ATP8B1: variants seen among roughly 807,000 people sequenced by gnomAD.
The protein encoded by ATP8B1 is phospholipid-transporting ATPase IC.
A neutral mutation model predicts 149.9 loss-of-function variants in ATP8B1; 80 were observed. The observed-to-expected ratio is 0.53, with a 90% CI of 0.45 to 0.64. The LOEUF is 0.64. ATP8B1 is among the 30% of genes least tolerant of loss of function. The probability of loss-of-function intolerance (pLI) is 0.00; values close to 1 mark genes in which losing one functional copy is unlikely to be tolerated. For synonymous variants in ATP8B1, 536 were observed against 562.8 expected, an observed-to-expected ratio of 0.95 and a Z score of 0.67; for missense variants, 1,247 against 1,552.6, an observed-to-expected ratio of 0.80 and a Z score of 3.31.
intron 17 of ATP8B1, among the ~76,000 whole-genome samples, chr18:57,670,683 C>T (rs1911171793): frequency 6.6e-6 from 1 of 151,788 alleles, no homozygotes; most frequent in African/African-American, 2.4e-5. Context: ...CAACATGAAC[C>T]AGTAAACATC....
At chr18:57,794,778 G>A (rs898521963) in intron 1 of ATP8B1, among the ~76,000 whole-genome samples, 1 of 144,712 alleles carries the variant, frequency 6.9e-6, no homozygotes, top group Non-Finnish European at 1.5e-5. Context: ...GCGACAGAGC[G>A]AAACTCCGCC....
intron 22 of ATP8B1, among the ~76,000 whole-genome samples, chr18:57,656,182 T>G (rs1445078601): frequency 6.6e-6 from 1 of 152,080 alleles, no homozygotes; most frequent in Non-Finnish European, 1.5e-5. Flanking sequence ...CCAGAGCTTT[T>G]GAAAGTACCT....
intron 1 of ATP8B1, among the ~76,000 whole-genome samples, chr18:57,782,865 G>A (rs1303191391): frequency 8.2e-6 from 1 of 121,504 alleles, no homozygotes; most frequent in African/African-American, 3.3e-5. Context: ...CTAGGCTAAA[G>A]TGCAATGGTG....
At chr18:57,736,680 T>C (rs553321669) in intron 1 of ATP8B1, among the ~76,000 whole-genome samples, 4 of 149,228 alleles carry the variant, frequency 2.7e-5, no homozygotes, top group Non-Finnish European at 5.9e-5. Context: ...AAACTGGTCT[T>C]GAATTCCTGG....
At chr18:57,661,024 C>G in intron 22 of ATP8B1, 150 bp downstream of exon 22, 2 of 1,067,378 alleles carry the variant, frequency 1.9e-6, no homozygotes, top group Non-Finnish European at 2.7e-6. Context: ...GGGTCACAGG[C>G]GTTGTCATGG....
In ATP8B1 at chr18:57,646,981, T is replaced by C. The variant is rs1909217425; in HGVS notation, c.*1507A>G. ...GAGTTTCCATAATTACCTAAAGTTATCTTCAAATTTAAAAGGACACACCAT... is the reference window on the plus strand; with the variant it reads ...GAGTTTCCATAATTACCTAAAGTTACCTTCAAATTTAAAAGGACACACCAT... On this transcript the variant is annotated 3_prime_UTR_variant, in exon 28 of 28. Coordinates refer to ENST00000648908, the MANE Select transcript of ATP8B1 (RefSeq NM_001374385.1). 1 of 152,212 alleles carries C rather than the reference T, an allele frequency of 6.6e-6. No homozygotes were observed. The highest frequency in any genetic ancestry group is 6.5e-5 in the Admixed American group (1 of 15,276). 9.4% of individuals were successfully genotyped at this position (152,212 alleles called of 1,614,324 possible).
At chr18:57,735,267 G>A (rs1051126791) in intron 1 of ATP8B1, 13 of 161,048 alleles carry the variant, frequency 8.1e-5, no homozygotes, top group African/African-American at 2.6e-4. Flanking sequence ...CAGGGCGCCC[G>A]CTGTGCTCCT....
In ATP8B1 at chr18:57,648,649, G is replaced by A. The variant is rs760353602; in HGVS notation, c.3595C>T (p.Arg1199Cys). The change falls in exon 28 of 28, where the codon CGC becomes TGC. Residue 1199 changes from arginine (R) to cysteine (C), a missense_variant. Transcript: ENST00000648908. ...GAGCGCCGCGTTGACACGCCCCGGC[G>A]GAACACCTGCTGCCGTCGCTGCCAC... ...EQWQRRQQVFRRGVSTRRSAY... is the reference protein window; with the variant it reads ...EQWQRRQQVFCRGVSTRRSAY... 1.9e-6 allele frequency: 3 copies of A among 1,590,796 alleles called. No homozygotes were observed. Among genetic ancestry groups the A allele is most frequent in the Non-Finnish European group, 2.6e-6 (3 of 1,170,060 alleles).
At position 57,661,674 on chromosome 18, in the gene ATP8B1, T is replaced by TATACAC. The variant is rs1555688746; in HGVS notation, c.2419-218_2419-213dup. 2.0e-3 allele frequency among the ~76,000 whole-genome samples: 80 copies of TATACAC among 39,506 alleles called. 2 individuals carry two copies. The East Asian group carries it at 0.14, about 69-fold the overall frequency. The allele number at this position is 39,506 out of a possible 152,430, so 25.9% of individuals were successfully genotyped here. A position where few individuals can be genotyped will look rare whatever the true frequency, so the allele number is the denominator to read the frequency against. On this transcript the variant is annotated intron_variant, in intron 21 of 27. Coordinates refer to ENST00000648908, the MANE Select transcript of ATP8B1 (RefSeq NM_001374385.1). ...ACACATATATGTATGTGTGTATGTA[T>TATACAC]ATACACACACACACACACACACATA...
Position 57,685,133 on chromosome 18 carries a change from C to G in ATP8B1, c.1430-18G>C. On this transcript the variant is annotated intron_variant, in intron 13 of 27. Coordinates refer to ENST00000648908, the MANE Select transcript of ATP8B1 (RefSeq NM_001374385.1). ...ATGGTCCCCTGAGAAACAAACAGGA[C>G]AAAACAAATTGATTCTACACCTATG... 14 of 1,613,898 alleles carry G rather than the reference C, an allele frequency of 8.7e-6. No homozygotes were observed. The highest frequency in any genetic ancestry group is 1.2e-5 in the Non-Finnish European group (14 of 1,179,826).
At chr18:57,731,899 C>A in intron 1 of ATP8B1, 67 bp from the exon 2 acceptor site, 1 of 1,357,392 alleles carries the variant, frequency 7.4e-7, no homozygotes, top group Non-Finnish European at 1.1e-6. Context: ...ATACTGCCTG[C>A]ATGCTGCTAC....
intron 1 of ATP8B1, among the ~76,000 whole-genome samples, chr18:57,761,037 T>TA (rs1555654267): frequency 9.7e-6 from 1 of 103,200 alleles, no homozygotes; most frequent in Admixed American, 8.8e-5. Context: ...TAAAATAAAA[T>TA]AAATAAAATA....
chr18:57,777,434 A>T (rs561682919), intron 1 of ATP8B1, among the ~76,000 whole-genome samples: 2 of 152,358 alleles, frequency 1.3e-5, no homozygotes, highest in South Asian at 4.1e-4. Context: ...AAAAAGAAAC[A>T]TGAATATATA....
intron 2 of ATP8B1, among the ~76,000 whole-genome samples, chr18:57,722,217 A>C (rs1418612816): frequency 6.6e-6 from 1 of 151,952 alleles, no homozygotes; most frequent in Non-Finnish European, 1.5e-5. Flanking sequence ...CACATTCAAA[A>C]GTTAGCAGAA....
chr18:57,731,653 T>A lies in ATP8B1; in HGVS notation c.155A>T (p.Glu52Val). 1 of 1,614,132 alleles carries A rather than the reference T, an allele frequency of 6.2e-7. No homozygotes were observed. Among genetic ancestry groups the A allele is most frequent in the Non-Finnish European group, 8.5e-7 (1 of 1,180,020 alleles). ...PEQNRVNREA[E>V]ENREPFRKEC... is the part of the protein sequence containing the mutation. ...TTTTCTGAATGGCTCCCGGTTCTCC[T>A]CTGCTTCCCTGTTGACTCGGTTTTG... The change falls in exon 2 of 28, where the codon GAG becomes GTG. Residue 52 changes from glutamate to valine, a missense_variant. Coordinates refer to ENST00000648908, the MANE Select transcript of ATP8B1 (RefSeq NM_001374385.1).
chr18:57,756,272 T>A (rs371494522), intron 1 of ATP8B1, among the ~76,000 whole-genome samples: 7 of 127,246 alleles, frequency 5.5e-5, no homozygotes, highest in Non-Finnish European at 8.2e-5. Flanking sequence ...TATGAAATAT[T>A]TACACAACAT....
chr18:57,801,209 A>G (rs2080570129), intron 1 of ATP8B1, among the ~76,000 whole-genome samples: 1 of 152,230 alleles, frequency 6.6e-6, no homozygotes, highest in Admixed American at 6.5e-5. Flanking sequence ...TAACCAAAAG[A>G]GTCTTGCTCG....
chr18:57,668,857 C>A, intron 18 of ATP8B1: 1 of 284,826 alleles, frequency 3.5e-6, no homozygotes, highest in Non-Finnish European at 6.5e-6. Context: ...AAACCGTAAA[C>A]CAGTTGCAAT....
intron 1 of ATP8B1, among the ~76,000 whole-genome samples, chr18:57,760,497 C>G (rs574746489): frequency 6.6e-6 from 1 of 152,270 alleles, no homozygotes; most frequent in Admixed American, 6.5e-5. Flanking sequence ...CCAAACTGAA[C>G]ATGGTTTGTT....
Sources: allele counts gnomAD v4.1 joint callset (sites outside exome capture counted in the v4.1 genomes callset), GRCh38; gene constraint gnomAD v4.1.1; transcripts MANE v1.5; gene names NCBI Gene and HGNC (gene_info 2026-07-23, HGNC 2026-07-21).